Variants in WDPCP observed in about 807,000 individuals in gnomAD.
The protein encoded by WDPCP is WD repeat containing planar cell polarity effector.
In WDPCP, 71 loss-of-function variants were observed where a neutral mutation model predicts 93.1. The observed-to-expected ratio is 0.76, with a 90% CI of 0.63 to 0.93. The LOEUF is 0.93. Ranked by LOEUF, WDPCP falls within the 40% of genes least tolerant of loss-of-function variation. The pLI, the probability that WDPCP is intolerant of heterozygous loss-of-function variation, is 0.00. For missense variants in WDPCP, 844 were observed against 887.4 expected (o/e 0.95, Z 0.62); for synonymous variants, 315 against 315.0 (o/e 1.00, Z 0.00).
intron 14 of WDPCP, among the ~76,000 whole-genome samples, chr2:63,215,876 C>T (rs1188173751): frequency 6.6e-6 from 1 of 152,092 alleles, no homozygotes; most frequent in South Asian, 2.1e-4. Flanking sequence ...AAAAAACAAC[C>T]CCATCCAAAA....
intron 15 of WDPCP, 38 bp from the exon 16 acceptor site, chr2:63,153,612 A>T (rs1425479628): frequency 2.0e-6 from 3 of 1,501,086 alleles, no homozygotes; most frequent in Non-Finnish European, 2.8e-6. Context: ...AAAAAGGATT[A>T]AAAAAGAAAA....
At chr2:63,426,970 T>A (rs924012329) in intron 9 of WDPCP, among the ~76,000 whole-genome samples, 1 of 152,064 alleles carries the variant, frequency 6.6e-6, no homozygotes, top group Non-Finnish European at 1.5e-5. Context: ...ACTTTAACAA[T>A]AGTCGAGAAG....
chr2:63,799,270 CA>C (rs1670660178), intron 2 of WDPCP, among the ~76,000 whole-genome samples: 1 of 152,098 alleles, frequency 6.6e-6, no homozygotes, highest in Non-Finnish European at 1.5e-5. Context: ...TTGTTGAATT[CA>C]GGGGGAAAAA....
intron 6 of WDPCP, among the ~76,000 whole-genome samples, chr2:63,474,947 G>T (rs978918512): frequency 6.6e-6 from 1 of 152,070 alleles, no homozygotes; most frequent in African/African-American, 2.4e-5. Context: ...TGAATTAGAT[G>T]ATTTATGTCC....
chr2:63,815,600 A>G (rs1432649525), intron 1 of WDPCP, among the ~76,000 whole-genome samples: 3 of 152,226 alleles, frequency 2.0e-5, no homozygotes, highest in Non-Finnish European at 4.4e-5. Flanking sequence ...ATTCAGACAC[A>G]TACTCTTAAA....
At chr2:63,190,323 C>T (rs1014987246) in intron 14 of WDPCP, among the ~76,000 whole-genome samples, 19 of 150,758 alleles carry the variant, frequency 1.3e-4, no homozygotes, top group African/African-American at 4.6e-4. Context: ...CTCCCAGCTA[C>T]TTGGGAGGCT....
At chr2:63,279,461 A>G (rs530087317) in intron 13 of WDPCP, among the ~76,000 whole-genome samples, 13 of 152,358 alleles carry the variant, frequency 8.5e-5, no homozygotes, top group African/African-American at 3.1e-4. Context: ...GACAGACCTT[A>G]ATGTAATAAA....
At chr2:63,674,280 A>G (rs1710378543) in intron 2 of WDPCP, among the ~76,000 whole-genome samples, 1 of 152,178 alleles carries the variant, frequency 6.6e-6, no homozygotes, top group South Asian at 2.1e-4. Flanking sequence ...ATATAGACCT[A>G]TGTAGAGTAA....
chr2:63,183,814 G>A (rs901656755), intron 14 of WDPCP, among the ~76,000 whole-genome samples: 2 of 152,092 alleles, frequency 1.3e-5, no homozygotes, highest in African/African-American at 4.8e-5. Context: ...AGTGTTTGGT[G>A]TGTATATATT....
chr2:63,602,788 C>T (rs1334197675), intron 3 of WDPCP, among the ~76,000 whole-genome samples: 1 of 152,116 alleles, frequency 6.6e-6, no homozygotes, highest in Admixed American at 6.6e-5. Context: ...CAGTAAGGAA[C>T]CTTTTGAGAC....
intron 9 of WDPCP, among the ~76,000 whole-genome samples, chr2:63,430,360 C>A (rs1203557457): frequency 6.6e-6 from 1 of 152,012 alleles, no homozygotes; most frequent in Non-Finnish European, 1.5e-5. Context: ...TGCACAAGTA[C>A]CTCCCAATTC....
At chr2:63,837,631 C>G in the WDPCP span, among the ~76,000 whole-genome samples, 1 of 152,222 alleles carries the variant, frequency 6.6e-6, no homozygotes, top group Non-Finnish European at 1.5e-5. Flanking sequence ...AATTCCTACA[C>G]CACTCCTTAT....
chr2:63,837,019 C>G, the WDPCP span, among the ~76,000 whole-genome samples: 1 of 152,178 alleles, frequency 6.6e-6, no homozygotes, highest in African/African-American at 2.4e-5. Flanking sequence ...ATAATTGCTA[C>G]TGCTCTGATG....
At position 63,575,379 on chromosome 2, in the gene WDPCP, G is replaced by GA. The variant is rs1558831421; in HGVS notation, c.75+12817_75+12818insT. On this transcript the variant is annotated intron_variant, in intron 1 of 17. Transcript: ENST00000272321. Reference sequence around the variant, plus strand: ...ATATACAGTATATACAGTATATACAGTATATACACGGTATATACAGTATAT... The same window carrying GA: ...ATATACAGTATATACAGTATATACAGATATATACACGGTATATACAGTATAT... 1.3e-3 allele frequency among the ~76,000 whole-genome samples: 145 copies of GA among 113,330 alleles called. 2 individuals are homozygous for GA. The highest frequency in any genetic ancestry group is 1.7e-3 in the Non-Finnish European group (92 of 52,800). The allele number at this position is 113,330 out of a possible 152,430, so 74.3% of individuals were successfully genotyped here.
At chr2:63,727,949 T>C (rs750117709) in intron 2 of WDPCP, among the ~76,000 whole-genome samples, 5 of 152,146 alleles carry the variant, frequency 3.3e-5, no homozygotes, top group Non-Finnish European at 7.4e-5. Flanking sequence ...ATCTTATTTT[T>C]TGAAAGTAAG....
chr2:63,778,026 A>G (rs969603273), intron 2 of WDPCP, among the ~76,000 whole-genome samples: 1 of 152,202 alleles, frequency 6.6e-6, no homozygotes, highest in Non-Finnish European at 1.5e-5. Flanking sequence ...CTGAACTCCT[A>G]GTATGCAATG....
intron 12 of WDPCP, among the ~76,000 whole-genome samples, chr2:63,323,205 C>G (rs974754962): frequency 2.6e-5 from 4 of 152,206 alleles, no homozygotes; most frequent in Admixed American, 2.0e-4. Context: ...TGACCATTGC[C>G]CCCTGGGTCC....
At chr2:63,501,689 T>TCACTGCAACTTC (rs70965132) in intron 1 of WDPCP, among the ~76,000 whole-genome samples, 32,739 of 152,062 alleles carry the variant, frequency 0.22, 4,725 homozygotes, top group East Asian at 0.66. Context: ...CGATCTCAGC[T>TCACTGCAACTTC]CACTGCAACT....
chr2:63,457,786 G>A (rs1698728388), intron 6 of WDPCP, among the ~76,000 whole-genome samples: 1 of 152,040 alleles, frequency 6.6e-6, no homozygotes, highest in South Asian at 2.1e-4. Context: ...AACAAACTAG[G>A]CATAGAAAGA....
Sources: allele counts gnomAD v4.1 joint callset (sites outside exome capture counted in the v4.1 genomes callset), GRCh38; gene constraint gnomAD v4.1.1; transcripts MANE v1.5; gene names NCBI Gene and HGNC (gene_info 2026-07-23, HGNC 2026-07-21).